Variants in FAXC observed in about 807,000 individuals in gnomAD.
FAXC encodes failed axon connections homolog, metaxin like GST domain containing.
FAXC carries 10 observed loss-of-function variants against 41.9 expected under a neutral mutation model. The ratio of observed to expected loss-of-function variants is 0.24; its 90% CI spans 0.15 to 0.41. The LOEUF is 0.41. FAXC is among the 10% of genes least tolerant of loss of function. The pLI is 1.00. For missense variants in FAXC, 399 were observed against 510.9 expected (o/e 0.78, Z 2.11); for synonymous variants, 183 against 183.8 (o/e 1.00, Z 0.03).
intron 3 of FAXC, among the ~76,000 whole-genome samples, chr6:99,325,615 G>A (rs988313267): frequency 1.3e-5 from 2 of 152,168 alleles, no homozygotes; most frequent in East Asian, 1.9e-4. Context: ...ACATGGAAAC[G>A]AAATGCTTTC....
At chr6:99,282,993 T>C (rs1005517645) in intron 5 of FAXC, among the ~76,000 whole-genome samples, 8 of 152,230 alleles carry the variant, frequency 5.3e-5, no homozygotes, top group African/African-American at 1.7e-4. Flanking sequence ...ATAAAAATCT[T>C]TGAATGTCAC....
In FAXC at chr6:99,278,830, C is replaced by G. The variant is rs1770720771; in HGVS notation, c.*2334G>C. 6.6e-6 allele frequency: 1 copy of G among 152,156 alleles called. No individual in the cohort carries two copies. Among genetic ancestry groups the G allele is most frequent in the African/African-American group, 2.4e-5 (1 of 41,438 alleles). 9.4% of individuals were successfully genotyped at this position (152,156 alleles called of 1,614,324 possible). A position where few individuals can be genotyped will look rare whatever the true frequency, so the allele number is the denominator to read the frequency against. On this transcript the variant is annotated 3_prime_UTR_variant, in exon 6 of 6. Transcript: ENST00000389677. ...ATGACTTATTTTACAACTTCATTTT[C>G]AAAGTTGGTTCTCCACATACTTGTA...
At chr6:99,348,200 G>A (rs1773665188) in intron 1 of FAXC, among the ~76,000 whole-genome samples, 1 of 152,216 alleles carries the variant, frequency 6.6e-6, no homozygotes, top group South Asian at 2.1e-4. Flanking sequence ...CTGGCAAAGA[G>A]ACATTCTGAG....
intron 2 of FAXC, among the ~76,000 whole-genome samples, chr6:99,335,628 G>GT (rs1424970452): frequency 3.9e-5 from 6 of 152,202 alleles, no homozygotes; most frequent in Admixed American, 3.9e-4. Flanking sequence ...ACCCAAATGC[G>GT]TAAGGGATAA....
intron 4 of FAXC, among the ~76,000 whole-genome samples, chr6:99,306,035 G>T (rs2128454923): frequency 6.6e-6 from 1 of 152,180 alleles, no homozygotes; most frequent in Admixed American, 6.5e-5. Flanking sequence ...TGATGTGATA[G>T]AGGGTGGCTG....
rs1004656192 is a variant in FAXC at position 99,349,443 on chromosome 6, CGGCGCGGGCTCAGA to C, written c.-85_-72del. The C allele has an allele frequency of 1.7e-6, 2 of 1,167,386 alleles. No homozygotes were observed. Among genetic ancestry groups the C allele is most frequent in the African/African-American group, 1.7e-5 (1 of 60,484 alleles). 72.3% of individuals were successfully genotyped at this position (1,167,386 alleles called of 1,614,324 possible). ...CGCATGGGAAGGGGCCGGCGCGGCC[CGGCGCGGGCTCAGA>C]GGCGCGCGGAGGGCGCGGGCGGCGC... On this transcript the variant is annotated 5_prime_UTR_variant, in exon 1 of 6. Coordinates refer to ENST00000389677, the MANE Select transcript of FAXC (RefSeq NM_032511.4).
At chr6:99,328,101 C>A (rs745772580) in intron 3 of FAXC, among the ~76,000 whole-genome samples, 17 of 152,198 alleles carry the variant, frequency 1.1e-4, no homozygotes, top group South Asian at 4.1e-4. Context: ...ACAGTCTAAC[C>A]CCTCTATGAC....
rs1176727826 is a variant in FAXC at position 99,271,628 on chromosome 6, G to GA, written c.*9535dup. 6.6e-6 allele frequency: 1 copy of GA among 152,076 alleles called. No homozygotes were observed. The highest frequency in any genetic ancestry group is 1.5e-5 in the Non-Finnish European group (1 of 68,024). The allele number at this position is 152,076 out of a possible 1,614,324, so 9.4% of individuals were successfully genotyped here. A position where few individuals can be genotyped will look rare whatever the true frequency, so the allele number is the denominator to read the frequency against. On this transcript the variant is annotated 3_prime_UTR_variant, in exon 6 of 6. Transcript: ENST00000389677. Reference sequence around the variant, plus strand: ...ATAATGCAAATATTTCAAAATCTGAGAAAAACCCAGATCCAAAACACTTCT... The same window carrying GA: ...ATAATGCAAATATTTCAAAATCTGAGAAAAAACCCAGATCCAAAACACTTCT...
At chr6:99,327,884 A>C (rs1406937384) in intron 3 of FAXC, among the ~76,000 whole-genome samples, 1 of 152,136 alleles carries the variant, frequency 6.6e-6, no homozygotes, top group Non-Finnish European at 1.5e-5. Flanking sequence ...TAAACACTGC[A>C]GTTCAGCCCT....
rs142610379 is a variant in FAXC, at chr6:99,291,683, G to C, written c.940+21C>G. On this transcript the variant is annotated intron_variant, in intron 5 of 5. Transcript: ENST00000389677. ...CCAGCCCCAGTAAGCCCCAAAACCT[G>C]AAGAAGAGTGTAGGGCTTGCCTTTG... is the stretch of plus-strand genomic sequence containing the variant. 6.4e-4 allele frequency: 1,018 copies of C among 1,582,086 alleles called. 9 individuals are homozygous for C. In the East Asian group the frequency reaches 0.02, roughly 31 times the overall value.
chr6:99,300,346 T>G (rs995566646), intron 4 of FAXC, among the ~76,000 whole-genome samples: 1 of 152,208 alleles, frequency 6.6e-6, no homozygotes, highest in Non-Finnish European at 1.5e-5. Flanking sequence ...GGAAAGACTT[T>G]ACACATCTAA....
intron 3 of FAXC, among the ~76,000 whole-genome samples, chr6:99,332,802 T>C (rs1773076880): frequency 6.6e-6 from 1 of 152,216 alleles, no homozygotes; most frequent in Non-Finnish European, 1.5e-5. Context: ...TGACATAATA[T>C]TATTTTAATT....
intron 3 of FAXC, among the ~76,000 whole-genome samples, chr6:99,325,820 T>A (rs549824147): frequency 6.6e-6 from 1 of 152,340 alleles, no homozygotes; most frequent in African/African-American, 2.4e-5. Context: ...GAGCAAGTAA[T>A]AATAGCATCC....
intron 3 of FAXC, among the ~76,000 whole-genome samples, chr6:99,332,388 T>G (rs1308118169): frequency 6.6e-6 from 1 of 152,156 alleles, no homozygotes; most frequent in East Asian, 1.9e-4. Flanking sequence ...TTAACAACTC[T>G]TAATTCAATC....
At chr6:99,314,130 T>G (rs1772246397) in intron 4 of FAXC, among the ~76,000 whole-genome samples, 1 of 151,954 alleles carries the variant, frequency 6.6e-6, no homozygotes, top group Non-Finnish European at 1.5e-5. Flanking sequence ...GCCTCCTGAG[T>G]ACCCAGAACT....
At position 99,344,345 on chromosome 6, in the gene FAXC, A is replaced by G. The variant is rs941524852; in HGVS notation, c.267-1312T>C. On this transcript the variant is annotated intron_variant, in intron 1 of 5. Transcript: ENST00000389677. Reference sequence around the variant, plus strand: ...TTTGACCCAGCTGATTTCTAGTCAGATAAACTTCACTCTTCCTTCCCCTTG... The same window carrying G: ...TTTGACCCAGCTGATTTCTAGTCAGGTAAACTTCACTCTTCCTTCCCCTTG... Among the ~76,000 whole-genome samples the G allele has an allele frequency of 7.2e-5, 11 of 152,102 alleles. No homozygotes were observed. In the South Asian group the frequency reaches 1.5e-3, roughly 20 times the overall value.
intron 1 of FAXC, among the ~76,000 whole-genome samples, chr6:99,346,679 C>G (rs763511503): frequency 6.6e-6 from 1 of 152,028 alleles, no homozygotes; most frequent in Non-Finnish European, 1.5e-5. Context: ...GGATTACAGG[C>G]GTAAGCTGCC....
intron 5 of FAXC, among the ~76,000 whole-genome samples, chr6:99,285,852 A>G (rs1380153646): frequency 6.6e-6 from 1 of 152,216 alleles, no homozygotes; most frequent in East Asian, 1.9e-4. Context: ...TGTATTTTAT[A>G]TTCCTGTATT....
intron 4 of FAXC, among the ~76,000 whole-genome samples, chr6:99,302,769 T>C (rs1245638380): frequency 6.6e-6 from 1 of 152,168 alleles, no homozygotes; most frequent in Admixed American, 6.5e-5. Flanking sequence ...GTGATCCATT[T>C]TGGGGGCTGC....
Sources: allele counts gnomAD v4.1 joint callset (sites outside exome capture counted in the v4.1 genomes callset), GRCh38; gene constraint gnomAD v4.1.1; transcripts MANE v1.5; gene names NCBI Gene and HGNC (gene_info 2026-07-23, HGNC 2026-07-21).